Variants in SYN3 observed in about 807,000 individuals in gnomAD.
SYN3 encodes the protein synapsin-3.
SYN3 carries 35 observed loss-of-function variants against 65.8 expected under a neutral mutation model. The ratio of observed to expected loss-of-function variants is 0.53; its 90% confidence interval spans 0.41 to 0.70. SYN3 has a LOEUF of 0.70. Ranked by LOEUF, SYN3 falls within the 30% of genes least tolerant of loss-of-function variation. SYN3 has a pLI of 0.00. For missense variants in SYN3, 680 were observed against 749.0 expected, an observed-to-expected ratio of 0.91 and a Z score of 1.08; for synonymous variants, 270 against 292.9, an observed-to-expected ratio of 0.92 and a Z score of 0.80.
chr22:32,949,526 G>A (rs775853653), intron 3 of SYN3, among the ~76,000 whole-genome samples: 1 of 152,054 alleles, frequency 6.6e-6, no homozygotes, highest in Non-Finnish European at 1.5e-5. Flanking sequence ...CCAGTTTCAG[G>A]AACACGCCCA....
chr22:32,770,837 G>A (rs1011765009), intron 6 of SYN3, among the ~76,000 whole-genome samples: 5 of 90,436 alleles, frequency 5.5e-5, no homozygotes, highest in African/African-American at 1.3e-4. Flanking sequence ...TGTAGCACAC[G>A]GAAGAGTGCC....
chr22:32,578,758 T>C (rs531774402), intron 7 of SYN3, among the ~76,000 whole-genome samples: 2 of 152,182 alleles, frequency 1.3e-5, no homozygotes, highest in Admixed American at 6.5e-5. Context: ...GTATTCCTCA[T>C]TGGGGTTTAT....
intron 6 of SYN3, among the ~76,000 whole-genome samples, chr22:32,786,622 A>G (rs970965430): frequency 1.3e-5 from 2 of 152,242 alleles, no homozygotes; most frequent in South Asian, 4.2e-4. Flanking sequence ...TCAGCCTCCC[A>G]AAGTGCTGGG....
At position 32,528,890 on chromosome 22, in the gene SYN3, G is replaced by T. The variant is rs1051407939; in HGVS notation, c.1214C>A (p.Ser405Tyr). ...GGGTCTTACCCAAGGTCTGAGGGGGGAGGGCGCTGTGCCTCCTGGCATCGG... is the reference window on the plus strand; with the variant it reads ...GGGTCTTACCCAAGGTCTGAGGGGGTAGGGCGCTGTGCCTCCTGGCATCGG... ...QLPMPGGTAP[S>Y]PLRPWAPQIK... The change falls in exon 11 of 14, where the codon TCC becomes TAC. Residue 405 changes from serine to tyrosine, a missense_variant. Coordinates refer to ENST00000358763, the MANE Select transcript of SYN3 (RefSeq NM_003490.4). 5 of 1,614,188 alleles carry T rather than the reference G, an allele frequency of 3.1e-6. No homozygotes were observed. In the South Asian group the frequency reaches 3.3e-5, roughly 11 times the overall value.
At chr22:32,516,808 CT>C (rs67850676) in intron 13 of SYN3, among the ~76,000 whole-genome samples, 118,796 of 152,132 alleles carry the variant, frequency 0.78, 46,747 homozygotes, top group East Asian at 0.9. Context: ...GTTATTTAAT[CT>C]TTTCTTTGCT....
chr22:32,793,634 G>C lies in SYN3; in HGVS notation c.711+71281C>G, dbSNP rs551044767. Reference sequence around the variant, plus strand: ...TGCCAATGTTTGGTGAATATTTGAAGGAAGGAGGGAAGGAAGGAGAGGACC... The same window carrying C: ...TGCCAATGTTTGGTGAATATTTGAACGAAGGAGGGAAGGAAGGAGAGGACC... On this transcript the variant is annotated intron_variant, in intron 6 of 13. Coordinates refer to ENST00000358763, the MANE Select transcript of SYN3 (RefSeq NM_003490.4). 5.9e-5 allele frequency among the ~76,000 whole-genome samples: 9 copies of C among 152,278 alleles called. No homozygotes were observed. The East Asian group carries it at 1.7e-3, about 29-fold the overall frequency.
chr22:33,042,956 C>A (rs1415198832), intron 1 of SYN3, among the ~76,000 whole-genome samples: 6 of 152,206 alleles, frequency 3.9e-5, no homozygotes, highest in Non-Finnish European at 7.3e-5. Flanking sequence ...GATATTCTCA[C>A]ACTTCCTACT....
Position 32,708,838 on chromosome 22 carries a change from A to G in SYN3, c.712-112102T>C, listed in dbSNP as rs1266575454. Reference sequence around the variant, plus strand: ...TTGGTGAGCAGCTCAGTTACCCCTCACGGGGCCCTTGAGCCAGCCATTTCC... The same window carrying G: ...TTGGTGAGCAGCTCAGTTACCCCTCGCGGGGCCCTTGAGCCAGCCATTTCC... On this transcript the variant is annotated intron_variant, in intron 6 of 13. Transcript: ENST00000358763. Among the ~76,000 whole-genome samples, 3 of 152,172 alleles carry G rather than the reference A, an allele frequency of 2.0e-5. No individual in the cohort carries two copies. In the East Asian group the frequency reaches 5.8e-4, roughly 29 times the overall value.
At chr22:32,713,748 G>A (rs959091458) in intron 6 of SYN3, among the ~76,000 whole-genome samples, 48 of 151,562 alleles carry the variant, frequency 3.2e-4, no homozygotes, top group African/African-American at 5.8e-4. Context: ...GGAGAATGGC[G>A]TGAACCCGGG....
chr22:32,654,046 A>G (rs560073927), intron 6 of SYN3, among the ~76,000 whole-genome samples: 34 of 152,316 alleles, frequency 2.2e-4, no homozygotes, highest in Non-Finnish European at 4.7e-4. Context: ...TTCCTGCTAT[A>G]ATGCCAGGGC....
Position 32,513,962 on chromosome 22 carries a change from A to G in SYN3, c.1611-138T>C, listed in dbSNP as rs1039375159. The G allele has an allele frequency of 7.5e-6, 8 of 1,067,786 alleles. No individual in the cohort carries two copies. The South Asian group carries it at 8.4e-5, about 11-fold the overall frequency. The allele number at this position is 1,067,786 out of a possible 1,614,324, so 66.1% of individuals were successfully genotyped here. On this transcript the variant is annotated intron_variant, in intron 13 of 13. Coordinates refer to ENST00000358763, the MANE Select transcript of SYN3 (RefSeq NM_003490.4). ...TGAAGACCAGAAACCAGGCATTCCA[A>G]TGCTTACATGATGTCAGGTACATTA...
chr22:32,810,712 GCTC>G (rs1189160937), intron 6 of SYN3, among the ~76,000 whole-genome samples: 3 of 152,210 alleles, frequency 2.0e-5, no homozygotes, highest in African/African-American at 7.2e-5. Context: ...AAACTTCAGA[GCTC>G]CTGCAATGCC....
At chr22:32,563,067 C>T (rs1370691701) in intron 7 of SYN3, among the ~76,000 whole-genome samples, 2 of 152,250 alleles carry the variant, frequency 1.3e-5, no homozygotes, top group South Asian at 2.1e-4. Flanking sequence ...CCTCTGGAGT[C>T]AGAGCATGTG....
At chr22:32,668,289 ATT>A (rs1248845740) in intron 6 of SYN3, among the ~76,000 whole-genome samples, 3 of 152,196 alleles carry the variant, frequency 2.0e-5, no homozygotes, top group African/African-American at 7.2e-5. Context: ...TGGATGAGAA[ATT>A]GTTACATAAT....
At chr22:32,656,361 T>C (rs2060141966) in intron 6 of SYN3, among the ~76,000 whole-genome samples, 1 of 152,174 alleles carries the variant, frequency 6.6e-6, no homozygotes, top group Admixed American at 6.6e-5. Context: ...TACAGACTGT[T>C]GAAAGGATTA....
chr22:32,812,548 C>T (rs980282259), intron 6 of SYN3, among the ~76,000 whole-genome samples: 12 of 152,128 alleles, frequency 7.9e-5, no homozygotes, highest in African/African-American at 2.2e-4. Flanking sequence ...ACTGAAGAAG[C>T]TGATAGACAA....
intron 6 of SYN3, among the ~76,000 whole-genome samples, chr22:32,759,226 T>C (rs554998894): frequency 6.6e-6 from 1 of 152,182 alleles, no homozygotes; most frequent in Admixed American, 6.5e-5. Context: ...ACATGAGGTG[T>C]TCAACAAATA....
rs533329860 is a variant in SYN3, at chr22:32,654,199, G to A, written c.712-57463C>T. 7.9e-5 allele frequency among the ~76,000 whole-genome samples: 12 copies of A among 152,218 alleles called. No homozygotes were observed. The South Asian group carries it at 1.5e-3, about 18-fold the overall frequency. Reference sequence around the variant, plus strand: ...AGGTTGCCTAAAGCCCTTTTTGTCTGTTTCATTTCCTCCATCCCACCCTGA... The same window carrying A: ...AGGTTGCCTAAAGCCCTTTTTGTCTATTTCATTTCCTCCATCCCACCCTGA... On this transcript the variant is annotated intron_variant, in intron 6 of 13. Transcript: ENST00000358763.
chr22:32,757,706 G>A (rs2045338604), intron 6 of SYN3, among the ~76,000 whole-genome samples: 1 of 152,174 alleles, frequency 6.6e-6, no homozygotes, highest in South Asian at 2.1e-4. Flanking sequence ...CCATAAAGGA[G>A]GCAAGGAAGA....
Sources: gnomAD v4.1 joint callset for allele counts (sites outside exome capture counted in the v4.1 genomes callset) on GRCh38, gnomAD v4.1.1 for gene constraint, MANE v1.5 for transcripts, NCBI Gene and HGNC (gene_info 2026-07-23, HGNC 2026-07-21) for gene names.